The following DYRK1A variants were observed in gnomAD, a reference collection of about 807,000 sequenced individuals.
The protein encoded by DYRK1A is dual specificity tyrosine phosphorylation regulated kinase 1A, also known as dual specificity tyrosine-phosphorylation-regulated kinase 1A.
In DYRK1A, 9 loss-of-function variants were observed where a neutral mutation model predicts 79.7. The observed-to-expected ratio is 0.11, with a 90% CI of 0.07 to 0.20. The LOEUF is 0.20. DYRK1A is among the 10% of genes least tolerant of loss of function. The pLI, the probability that DYRK1A is intolerant of heterozygous loss-of-function variation, is 1.00. For synonymous variants in DYRK1A, 349 were observed against 329.7 expected (o/e 1.06, Z -0.63); for missense variants, 622 against 956.0 (o/e 0.65, Z 4.61).
intron 2 of DYRK1A, among the ~76,000 whole-genome samples, chr21:37,445,317 G>A (rs533757120): frequency 2.7e-4 from 41 of 152,334 alleles, no homozygotes; most frequent in African/African-American, 9.1e-4. Flanking sequence ...TTTGTGATCA[G>A]TTAGTAACTA....
At chr21:37,434,821 T>C (rs2050877515) in intron 2 of DYRK1A, among the ~76,000 whole-genome samples, 2 of 152,234 alleles carry the variant, frequency 1.3e-5, no homozygotes, top group Admixed American at 6.5e-5. Context: ...CCCACCTCTT[T>C]AGTCTTTCCA....
chr21:37,506,966 C>T (rs1230577942), intron 11 of DYRK1A, among the ~76,000 whole-genome samples: 2 of 152,190 alleles, frequency 1.3e-5, no homozygotes, highest in African/African-American at 4.8e-5. Context: ...ACTGTTAATA[C>T]TCACCAACCT....
At chr21:37,389,211 G>C (rs2049823194) in intron 1 of DYRK1A, among the ~76,000 whole-genome samples, 1 of 150,256 alleles carries the variant, frequency 6.7e-6, no homozygotes, top group Non-Finnish European at 1.5e-5. Context: ...TTTTAAAAAA[G>C]TATATATATA....
At chr21:37,443,539 A>G (rs926279987) in intron 2 of DYRK1A, among the ~76,000 whole-genome samples, 1 of 152,178 alleles carries the variant, frequency 6.6e-6, no homozygotes, top group Non-Finnish European at 1.5e-5. Context: ...CAGTCGGGTT[A>G]CTTAGAAATA....
At chr21:37,392,781 CAAAA>C (rs2049895431) in intron 1 of DYRK1A, among the ~76,000 whole-genome samples, 2 of 152,120 alleles carry the variant, frequency 1.3e-5, no homozygotes, top group East Asian at 3.9e-4. Context: ...TTACAGAAAA[CAAAA>C]TAATTTCTTA....
chr21:37,505,410 T>C lies in DYRK1A; in HGVS notation c.1340T>C (p.Ile447Thr). 1 of 1,614,208 alleles carries C rather than the reference T, an allele frequency of 6.2e-7. No individual in the cohort carries two copies. Among genetic ancestry groups the C allele is most frequent in the South Asian group, 1.1e-5 (1 of 91,084 alleles). The change falls in exon 10 of 12, where the codon ATT becomes ACT. Residue 447 changes from isoleucine (I) to threonine (T), a missense_variant. By Grantham distance (89) the Ile-to-Thr change is moderately conservative. Transcript: ENST00000647188. Reference sequence around the variant, plus strand: ...GACTACTTGAAGTTCAAAGACCTCATTTTAAGGATGCTTGATTATGACCCC... The same window carrying C: ...GACTACTTGAAGTTCAAAGACCTCACTTTAAGGATGCTTGATTATGACCCC... ...VADYLKFKDLILRMLDYDPKT... is the reference protein window; with the variant it reads ...VADYLKFKDLTLRMLDYDPKT...
intron 2 of DYRK1A, among the ~76,000 whole-genome samples, chr21:37,467,364 G>C (rs879595065): frequency 6.6e-6 from 1 of 152,074 alleles, no homozygotes; most frequent in African/African-American, 2.4e-5. Flanking sequence ...TGAGTAACTG[G>C]GACCATAGGC....
At chr21:37,487,471 A>G (rs557183113) in intron 6 of DYRK1A, 1 of 152,320 alleles carries the variant, frequency 6.6e-6, no homozygotes, top group East Asian at 1.9e-4. Flanking sequence ...GTAAGACACC[A>G]TCATTTTATG....
At chr21:37,480,978 T>C (rs546025051) in intron 5 of DYRK1A, 152 bp downstream of exon 5, 20 of 608,820 alleles carry the variant, frequency 3.3e-5, no homozygotes, top group South Asian at 2.1e-4. Context: ...CATAATTCTT[T>C]AAAGGTAGTG....
At chr21:37,406,802 A>G (rs1217898668) in intron 1 of DYRK1A, among the ~76,000 whole-genome samples, 2 of 147,334 alleles carry the variant, frequency 1.4e-5, no homozygotes, top group Non-Finnish European at 3.0e-5. Context: ...TATGTATATA[A>G]TTATATATAT....
At chr21:37,412,399 T>C (rs753765284) in intron 1 of DYRK1A, among the ~76,000 whole-genome samples, 5 of 152,230 alleles carry the variant, frequency 3.3e-5, no homozygotes, top group Non-Finnish European at 4.4e-5. Context: ...AGCACAGTAG[T>C]TCCCAAACTT....
At chr21:37,366,660 AT>A (rs1366328700), upstream of DYRK1A, among the ~76,000 whole-genome samples, 1 of 151,310 alleles carries the variant, frequency 6.6e-6, no homozygotes, top group Non-Finnish European at 1.5e-5. Flanking sequence ...AGGGAACGGA[AT>A]CTGCCGTTAC....
At chr21:37,383,059 T>C (rs774533381) in intron 1 of DYRK1A, among the ~76,000 whole-genome samples, 15 of 152,234 alleles carry the variant, frequency 9.9e-5, no homozygotes, top group Non-Finnish European at 1.6e-4. Flanking sequence ...AAGCTAATTG[T>C]TCACTTTCCC....
At chr21:37,400,872 C>G (rs1185657080) in intron 1 of DYRK1A, among the ~76,000 whole-genome samples, 1 of 152,044 alleles carries the variant, frequency 6.6e-6, no homozygotes, top group Non-Finnish European at 1.5e-5. Flanking sequence ...GGGCCAGGTG[C>G]AGTGGCTCAC....
chr21:37,453,343 G>A (rs1052738776), intron 2 of DYRK1A, among the ~76,000 whole-genome samples: 4 of 152,102 alleles, frequency 2.6e-5, no homozygotes, highest in Admixed American at 2.6e-4. Flanking sequence ...TGACTGCATT[G>A]GACGGTGCAA....
intron 2 of DYRK1A, among the ~76,000 whole-genome samples, chr21:37,439,739 C>T (rs376535053): frequency 8.1e-4 from 123 of 152,198 alleles, no homozygotes; most frequent in Admixed American, 1.7e-3. Flanking sequence ...TTTGGGGGAC[C>T]GCTGCTTTAT....
intron 2 of DYRK1A, among the ~76,000 whole-genome samples, 160 bp downstream of exon 2, chr21:37,420,544 T>C (rs2050447488): frequency 6.6e-6 from 1 of 152,172 alleles, no homozygotes; most frequent in African/African-American, 2.4e-5. Flanking sequence ...AACTTACTTT[T>C]GAACTCAGAT....
At chr21:37,428,634 A>T (rs945788586) in intron 2 of DYRK1A, among the ~76,000 whole-genome samples, 3 of 152,188 alleles carry the variant, frequency 2.0e-5, no homozygotes, top group Non-Finnish European at 4.4e-5. Flanking sequence ...AAATAATTTC[A>T]CTCTAGGAAT....
intron 1 of DYRK1A, among the ~76,000 whole-genome samples, chr21:37,370,132 A>G (rs1199436481): frequency 6.6e-6 from 1 of 152,148 alleles, no homozygotes; most frequent in Non-Finnish European, 1.5e-5. Flanking sequence ...TATTTAGGTA[A>G]TTTACATTAG....
Sources: allele counts gnomAD v4.1 joint callset (sites outside exome capture counted in the v4.1 genomes callset), GRCh38; gene constraint gnomAD v4.1.1; transcripts MANE v1.5; gene names NCBI Gene and HGNC (gene_info 2026-07-23, HGNC 2026-07-21).